The following SIPA1L3 variants were observed in gnomAD, a reference collection of about 807,000 sequenced individuals.
The protein encoded by SIPA1L3 is signal-induced proliferation-associated 1-like protein 3.
SIPA1L3 carries 59 observed loss-of-function variants against 150.1 expected under a neutral mutation model. That is an observed-to-expected ratio of 0.39 (90% CI 0.32 to 0.49). SIPA1L3 has a LOEUF of 0.49. SIPA1L3 is among the 20% of genes least tolerant of loss of function. SIPA1L3 has a pLI of 0.86. For synonymous variants in SIPA1L3, 1,070 were observed against 1,077.6 expected (o/e 0.99, Z 0.14); for missense variants, 2,211 against 2,489.5 (o/e 0.89, Z 2.38).
intron 15 of SIPA1L3, among the ~76,000 whole-genome samples, chr19:38,178,486 T>C (rs1568594910): frequency 6.6e-6 from 1 of 151,946 alleles, no homozygotes; most frequent in Admixed American, 6.6e-5. Context: ...TGTCTTGTTT[T>C]TGTTTTTGAG....
chr19:38,061,002 A>G (rs1221674044), intron 2 of SIPA1L3, among the ~76,000 whole-genome samples: 2 of 150,994 alleles, frequency 1.3e-5, no homozygotes, highest in African/African-American at 4.9e-5. Context: ...TTAAGTACTA[A>G]CTTCTTAAAT....
chr19:37,944,155 G>C (rs2046687998), intron 1 of SIPA1L3, among the ~76,000 whole-genome samples: 1 of 152,124 alleles, frequency 6.6e-6, no homozygotes, highest in Non-Finnish European at 1.5e-5. Flanking sequence ...GCATGCGCCT[G>C]TAATCCCAGC....
At chr19:38,201,728 C>CG (rs1054684286) in intron 19 of SIPA1L3, 134 bp from the exon 20 acceptor site, 20 of 942,438 alleles carry the variant, frequency 2.1e-5, no homozygotes, top group Middle Eastern at 6.8e-4. Flanking sequence ...AAGAATCTAT[C>CG]TAAGTGCCGA....
At chr19:37,930,574 T>G (rs1013736859) in intron 1 of SIPA1L3, among the ~76,000 whole-genome samples, 1 of 152,240 alleles carries the variant, frequency 6.6e-6, no homozygotes, top group Non-Finnish European at 1.5e-5. Flanking sequence ...CTGTTGCTAC[T>G]GCTCGTGGCC....
intron 1 of SIPA1L3, among the ~76,000 whole-genome samples, chr19:37,921,624 A>C (rs2046458186): frequency 6.8e-6 from 1 of 146,560 alleles, no homozygotes. Context: ...TTTTTGAGAC[A>C]AGGTCTTGCT....
intron 1 of SIPA1L3, among the ~76,000 whole-genome samples, chr19:37,972,669 A>T (rs576723832): frequency 1.3e-5 from 2 of 152,338 alleles, no homozygotes; most frequent in East Asian, 3.9e-4. Context: ...GTGCCACTGC[A>T]TTCCAGCCTG....
intron 1 of SIPA1L3, among the ~76,000 whole-genome samples, chr19:37,922,977 A>C (rs547559984): frequency 2.4e-4 from 36 of 151,572 alleles, no homozygotes; most frequent in African/African-American, 8.7e-4. Context: ...AAATACAAAA[A>C]AAAAAAAAAA....
rs370193698 is a variant in SIPA1L3, at chr19:38,167,231, C to CAAAAAAAAAA, written c.4208+2333_4208+2342dup. Reference sequence around the variant, plus strand: ...CTGGCAACAGAGCGAGATTCCATCTCAAAAAAAAAAAAAAAAAGGTGAAGC... The same window carrying CAAAAAAAAAA: ...CTGGCAACAGAGCGAGATTCCATCTCAAAAAAAAAAAAAAAAAAAAAAAAAAAGGTGAAGC... On this transcript the variant is annotated intron_variant, in intron 15 of 21. Coordinates refer to ENST00000222345, the MANE Select transcript of SIPA1L3 (RefSeq NM_015073.3). Among the ~76,000 whole-genome samples the CAAAAAAAAAA allele has an allele frequency of 4.4e-3, 388 of 87,452 alleles. 23 individuals are homozygous for CAAAAAAAAAA. In the East Asian group the frequency reaches 0.074, roughly 17 times the overall value. The allele number at this position is 87,452 out of a possible 152,430, so 57.4% of individuals were successfully genotyped here.
At chr19:37,998,994 CACA>C (rs1175432294) in intron 1 of SIPA1L3, among the ~76,000 whole-genome samples, 4 of 151,480 alleles carry the variant, frequency 2.6e-5, no homozygotes, top group Admixed American at 6.6e-5. Context: ...CACACACACA[CACA>C]CACACACACA....
At chr19:38,084,559 A>G (rs1600039652) in intron 3 of SIPA1L3, among the ~76,000 whole-genome samples, 1 of 150,712 alleles carries the variant, frequency 6.6e-6, no homozygotes, top group East Asian at 1.9e-4. Context: ...AAAAAAAAAA[A>G]AAAAAAAAAA....
At position 38,000,998 on chromosome 19, in the gene SIPA1L3, CATCA is replaced by C. The variant is rs1330327276; in HGVS notation, c.-378-28086_-378-28083del. On this transcript the variant is annotated intron_variant, in intron 1 of 21. Transcript: ENST00000222345. The stretch of plus-strand genomic sequence containing the variant: ...ATATATAACACACATATATATAACA[CATCA>C]ATCATATACACATATATATCACACA... Among the ~76,000 whole-genome samples the C allele has an allele frequency of 8.8e-5, 13 of 148,086 alleles. 1 individual carries two copies. The South Asian group carries it at 2.1e-3, about 24-fold the overall frequency.
intron 1 of SIPA1L3, among the ~76,000 whole-genome samples, chr19:37,942,026 A>G (rs1257936218): frequency 2.0e-5 from 3 of 152,338 alleles, no homozygotes; most frequent in Non-Finnish European, 4.4e-5. Flanking sequence ...CTTTGCTGCT[A>G]GAGATTACAA....
intron 2 of SIPA1L3, among the ~76,000 whole-genome samples, chr19:38,077,977 T>C (rs1340449807): frequency 1.3e-5 from 2 of 152,128 alleles, no homozygotes; most frequent in Non-Finnish European, 2.9e-5. Context: ...GGCCAATATT[T>C]TTGCTTTTCC....
At chr19:38,193,191 A>G (rs1246007289) in intron 17 of SIPA1L3, among the ~76,000 whole-genome samples, 7 of 151,762 alleles carry the variant, frequency 4.6e-5, no homozygotes, top group African/African-American at 1.7e-4. Context: ...AAAAAAATGT[A>G]AAAATTAGCC....
intron 21 of SIPA1L3, among the ~76,000 whole-genome samples, 163 bp downstream of exon 21, chr19:38,204,371 C>G (rs938207479): frequency 1.5e-4 from 23 of 152,342 alleles, no homozygotes; most frequent in Admixed American, 1.2e-3. Context: ...GATAACACCC[C>G]AGGCTACCAA....
rs144251525 is a variant in SIPA1L3, at chr19:38,131,911, C to T, written c.3143+1139C>T. On this transcript the variant is annotated intron_variant, in intron 10 of 21. Transcript: ENST00000222345. ...CTCCCAAAGTGCTGGAGTTAACAGG[C>T]GTGAGCCACTGCGTCCAGCCAACAG... Among the ~76,000 whole-genome samples, 153 of 149,942 alleles carry T rather than the reference C, an allele frequency of 1.0e-3. 1 individual carries two copies. Among genetic ancestry groups the T allele is most frequent in the African/African-American group, 3.5e-3 (144 of 40,588 alleles).
At chr19:38,165,967 C>A (rs557960762) in intron 15 of SIPA1L3, among the ~76,000 whole-genome samples, 2 of 151,710 alleles carry the variant, frequency 1.3e-5, no homozygotes, top group African/African-American at 4.8e-5. Flanking sequence ...TTCACCATGT[C>A]GGCCAGGCTG....
At chr19:37,929,614 ACT>A (rs1005027002) in intron 1 of SIPA1L3, among the ~76,000 whole-genome samples, 1 of 151,830 alleles carries the variant, frequency 6.6e-6, no homozygotes, top group African/African-American at 2.4e-5. Flanking sequence ...GCACTCACTC[ACT>A]CTGCCCAGAA....
intron 2 of SIPA1L3, among the ~76,000 whole-genome samples, chr19:38,074,558 A>G (rs1302742958): frequency 6.6e-6 from 1 of 152,266 alleles, no homozygotes; most frequent in Non-Finnish European, 1.5e-5. Context: ...TCTGGTGCCC[A>G]GCACAGCGGA....
Sources: allele counts gnomAD v4.1 joint callset (sites outside exome capture counted in the v4.1 genomes callset), GRCh38; gene constraint gnomAD v4.1.1; transcripts MANE v1.5; gene names NCBI Gene and HGNC (gene_info 2026-07-23, HGNC 2026-07-21).